PLPP1: variants seen among roughly 807,000 people sequenced by gnomAD.
The protein encoded by PLPP1 is phospholipid phosphatase 1, also known as lipid phosphate phosphohydrolase 1a.
In PLPP1, 24 loss-of-function variants were observed where a neutral mutation model predicts 31.2. The ratio of observed to expected loss-of-function variants is 0.77; its 90% CI spans 0.56 to 1.08. The LOEUF (loss-of-function observed/expected upper bound fraction) is 1.08, where lower values mean the gene tolerates loss of function less well. PLPP1 is among the 50% of genes least tolerant of loss of function. The pLI is 0.00. For synonymous variants in PLPP1, 146 were observed against 126.3 expected, an observed-to-expected ratio of 1.16 and a Z score of -1.05; for missense variants, 319 against 342.7, an observed-to-expected ratio of 0.93 and a Z score of 0.55.
intron 4 of PLPP1, among the ~76,000 whole-genome samples, chr5:55,427,573 G>C (rs568664534): frequency 4.3e-4 from 65 of 152,242 alleles, no homozygotes; most frequent in Non-Finnish European, 5.9e-4. Context: ...CTCAGAGCTA[G>C]GACTCCAAGG....
chr5:55,472,476 T>C (rs995354904), intron 2 of PLPP1, among the ~76,000 whole-genome samples: 2 of 152,100 alleles, frequency 1.3e-5, no homozygotes, highest in Non-Finnish European at 2.9e-5. Flanking sequence ...GACAGGCACC[T>C]GTAATCCCAG....
Position 55,425,750 on chromosome 5 carries a change from T to C in PLPP1, c.726+113A>G, listed in dbSNP as rs141785897. The C allele has an allele frequency of 7.5e-3, 7,307 of 971,308 alleles. 49 individuals carry two copies. The highest frequency in any genetic ancestry group is 9.2e-3 in the Admixed American group (307 of 33,502). 60.2% of individuals were successfully genotyped at this position (971,308 alleles called of 1,614,324 possible). ...TGACTTTTAATAACATTGAGATTCT[T>C]GCCCACTGCATAGTCTTCTCCTCAG... On this transcript the variant is annotated intron_variant, in intron 5 of 5. Transcript: ENST00000307259.
intron 1 of PLPP1, among the ~76,000 whole-genome samples, chr5:55,524,765 A>G (rs1209085257): frequency 1.3e-5 from 2 of 152,166 alleles, no homozygotes; most frequent in Admixed American, 6.5e-5. Flanking sequence ...AGCCAAGATC[A>G]TGCCGTTGCA....
chr5:55,533,230 A>G (rs1175946427), intron 1 of PLPP1, among the ~76,000 whole-genome samples: 1 of 151,732 alleles, frequency 6.6e-6, no homozygotes, highest in Non-Finnish European at 1.5e-5. Context: ...CTAAAAACAG[A>G]AAAATTAGCC....
chr5:55,427,458 T>TTTTG (rs1411207365), intron 4 of PLPP1, among the ~76,000 whole-genome samples: 2 of 152,216 alleles, frequency 1.3e-5, no homozygotes, highest in African/African-American at 2.4e-5. Context: ...GAATCCTTAT[T>TTTTG]TTTGTTTGTT....
At chr5:55,445,796 C>T (rs966961015) in intron 3 of PLPP1, among the ~76,000 whole-genome samples, 1 of 152,114 alleles carries the variant, frequency 6.6e-6, no homozygotes, top group Non-Finnish European at 1.5e-5. Flanking sequence ...CTGCCTGCCT[C>T]GGCCTCCCAA....
At chr5:55,492,410 A>G (rs1469958349) in intron 1 of PLPP1, among the ~76,000 whole-genome samples, 1 of 152,206 alleles carries the variant, frequency 6.6e-6, no homozygotes, top group African/African-American at 2.4e-5. Context: ...AAATACCATA[A>G]AAGGCAGAAA....
intron 1 of PLPP1, among the ~76,000 whole-genome samples, chr5:55,528,423 T>G (rs1421936196): frequency 6.6e-6 from 1 of 152,250 alleles, no homozygotes; most frequent in Non-Finnish European, 1.5e-5. Flanking sequence ...TCTTCATCAT[T>G]AGACTCTGAG....
intron 1 of PLPP1, among the ~76,000 whole-genome samples, chr5:55,488,369 G>C (rs906598982): frequency 6.6e-6 from 1 of 151,988 alleles, no homozygotes; most frequent in African/African-American, 2.4e-5. Flanking sequence ...AACTAGATTG[G>C]GTGTGGTGGC....
intron 3 of PLPP1, among the ~76,000 whole-genome samples, chr5:55,446,493 A>G (rs917059177): frequency 2.6e-5 from 4 of 152,142 alleles, no homozygotes; most frequent in African/African-American, 7.2e-5. Context: ...GGTAATTCTA[A>G]TATCTGTAAT....
At chr5:55,530,958 C>CGGTGACGGCCCGGGGCT (rs1561260891) in intron 1 of PLPP1, among the ~76,000 whole-genome samples, 1 of 152,200 alleles carries the variant, frequency 6.6e-6, no homozygotes, top group Non-Finnish European at 1.5e-5. Context: ...GCCGAGGTGA[C>CGGTGACGGCCCGGGGCT]GGTGACGGCC....
At chr5:55,488,054 C>T (rs1033655201) in intron 1 of PLPP1, among the ~76,000 whole-genome samples, 4 of 151,990 alleles carry the variant, frequency 2.6e-5, no homozygotes, top group African/African-American at 9.7e-5. Context: ...GCCTGGGCAA[C>T]AGGACAAGAC....
intron 1 of PLPP1, among the ~76,000 whole-genome samples, chr5:55,515,148 C>T (rs935040938): frequency 9.2e-5 from 14 of 152,304 alleles, no homozygotes; most frequent in African/African-American, 9.6e-5. Flanking sequence ...AGACTCTTTC[C>T]GCTATACTTG....
At position 55,425,989 on chromosome 5, in the gene PLPP1, G is replaced by A; in HGVS notation, c.600C>T (p.Pro200=). ...CGGCAACAAGACCAAATTGCAGTGT[G>A]GGGCGTAAGAGTCTTGCCCAGTCTC... ...MKGDWARLLR[P]TLQFGLVAVS... is the part of the protein sequence containing the mutation. Residue 200 remains proline, a synonymous_variant, in exon 5 of 6, where the codon CCC becomes CCT. Coordinates refer to ENST00000307259, the MANE Select transcript of PLPP1 (RefSeq NM_003711.4). The A allele has an allele frequency of 6.2e-7, 1 of 1,613,654 alleles. No individual in the cohort carries two copies. Among genetic ancestry groups the A allele is most frequent in the Non-Finnish European group, 8.5e-7 (1 of 1,179,846 alleles).
rs573834817 is a variant in PLPP1 at position 55,508,191 on chromosome 5, G to A, written c.58+26381C>T. ...CTTGACAGAAGGCCATGCCCAGTTC[G>A]CATGACCTCCCCAAAGGGACCCAGG... On this transcript the variant is annotated intron_variant, in intron 1 of 5. Coordinates refer to ENST00000307259, the MANE Select transcript of PLPP1 (RefSeq NM_003711.4). 2.6e-5 allele frequency among the ~76,000 whole-genome samples: 4 copies of A among 152,122 alleles called. No homozygotes were observed. In the South Asian group the frequency reaches 6.2e-4, roughly 24 times the overall value.
intron 1 of PLPP1, among the ~76,000 whole-genome samples, chr5:55,492,292 T>C (rs1348320952): frequency 6.6e-6 from 1 of 152,228 alleles, no homozygotes; most frequent in East Asian, 1.9e-4. Flanking sequence ...GTAAATTGTT[T>C]AAAAACAAAT....
At chr5:55,478,777 T>G (rs966736946) in intron 1 of PLPP1, among the ~76,000 whole-genome samples, 9 of 152,050 alleles carry the variant, frequency 5.9e-5, no homozygotes, top group African/African-American at 2.2e-4. Flanking sequence ...CAGTGCCCAA[T>G]ATGGCATCCA....
At chr5:55,483,989 T>C (rs1394697629) in intron 1 of PLPP1, among the ~76,000 whole-genome samples, 5 of 152,146 alleles carry the variant, frequency 3.3e-5, no homozygotes, top group Non-Finnish European at 7.4e-5. Context: ...AAGTTCATCA[T>C]TAATAGACAG....
At chr5:55,480,688 C>G (rs1752651018) in intron 1 of PLPP1, among the ~76,000 whole-genome samples, 1 of 152,114 alleles carries the variant, frequency 6.6e-6, no homozygotes, top group African/African-American at 2.4e-5. Context: ...TACCCACTCA[C>G]CAGTTAATGG....
Sources: gnomAD v4.1 joint callset for allele counts (sites outside exome capture counted in the v4.1 genomes callset) on GRCh38, gnomAD v4.1.1 for gene constraint, MANE v1.5 for transcripts, NCBI Gene and HGNC (gene_info 2026-07-23, HGNC 2026-07-21) for gene names.